Variants in EXOC6B observed in about 807,000 individuals in gnomAD.
The protein encoded by EXOC6B is exocyst complex component 6B.
In EXOC6B, 54 loss-of-function variants were observed where a neutral mutation model predicts 113.5. That is an observed-to-expected ratio of 0.48 (90% CI 0.38 to 0.60). The LOEUF (loss-of-function observed/expected upper bound fraction) is 0.60, where lower values mean the gene tolerates loss of function less well. Ranked by LOEUF, EXOC6B falls within the 20% of genes least tolerant of loss-of-function variation. The pLI is 0.00. For missense variants in EXOC6B, 797 were observed against 977.5 expected, an observed-to-expected ratio of 0.82 and a Z score of 2.46; for synonymous variants, 357 against 339.0, an observed-to-expected ratio of 1.05 and a Z score of -0.58.
chr2:72,463,117 G>GCATTTCTGGAAT (rs1481081668), intron 18 of EXOC6B: 1 of 151,820 alleles, frequency 6.6e-6, no homozygotes, highest in Non-Finnish European at 1.5e-5. Flanking sequence ...AACCATCCTT[G>GCATTTCTGGAAT]CATTTCTGGA....
chr2:72,302,396 T>G (rs1686585773), intron 20 of EXOC6B, among the ~76,000 whole-genome samples: 1 of 152,230 alleles, frequency 6.6e-6, no homozygotes, highest in Non-Finnish European at 1.5e-5. Flanking sequence ...AATGTCTTTG[T>G]TAATTTTCTG....
At chr2:72,439,773 T>C (rs1408350110) in intron 18 of EXOC6B, among the ~76,000 whole-genome samples, 1 of 152,236 alleles carries the variant, frequency 6.6e-6, no homozygotes, top group Admixed American at 6.5e-5. Flanking sequence ...GGAGAGGTGA[T>C]ACAGTCATTT....
chr2:72,697,767 T>C (rs1677996501), intron 6 of EXOC6B, among the ~76,000 whole-genome samples: 1 of 152,180 alleles, frequency 6.6e-6, no homozygotes, highest in Non-Finnish European at 1.5e-5. Flanking sequence ...CTTTTACTAA[T>C]AGAATGCGTC....
At position 72,717,954 on chromosome 2, in the gene EXOC6B, AATCAT is replaced by A. The variant is rs1679733364; in HGVS notation, c.669+144_669+148del. The A allele has an allele frequency of 5.3e-6, 3 of 565,248 alleles. No homozygotes were observed. The African/African-American group carries it at 5.6e-5, about 11-fold the overall frequency. The allele number at this position is 565,248 out of a possible 1,614,324, so 35.0% of individuals were successfully genotyped here. On this transcript the variant is annotated intron_variant, in intron 6 of 21. Coordinates refer to ENST00000272427, the MANE Select transcript of EXOC6B (RefSeq NM_015189.3). ...CTGTTAAAAAAATGAAAACATTTTT[AATCAT>A]ATGTTTCCATAAATATGAAGGACTT...
At chr2:72,503,951 A>C (rs918835677) in intron 11 of EXOC6B, among the ~76,000 whole-genome samples, 2 of 152,042 alleles carry the variant, frequency 1.3e-5, no homozygotes, top group Non-Finnish European at 2.9e-5. Context: ...TCTGTCTCCC[A>C]GGCTGGACTG....
At chr2:72,624,575 C>G (rs893192970) in intron 6 of EXOC6B, among the ~76,000 whole-genome samples, 2 of 152,092 alleles carry the variant, frequency 1.3e-5, no homozygotes, top group African/African-American at 4.8e-5. Context: ...AAGATCACCA[C>G]TACAAAAGAA....
intron 8 of EXOC6B, among the ~76,000 whole-genome samples, chr2:72,540,518 C>A (rs2105787935): frequency 6.6e-6 from 1 of 152,270 alleles, no homozygotes; most frequent in African/African-American, 2.4e-5. Context: ...CTAAACACTG[C>A]ATTGTGCATT....
chr2:72,226,427 C>A (rs1235364559), intron 20 of EXOC6B, among the ~76,000 whole-genome samples: 2 of 151,958 alleles, frequency 1.3e-5, no homozygotes, highest in East Asian at 3.9e-4. Context: ...AATTATTCCC[C>A]CAAAAGTTTA....
At chr2:72,399,412 C>A (rs1386034815) in intron 18 of EXOC6B, among the ~76,000 whole-genome samples, 1 of 152,010 alleles carries the variant, frequency 6.6e-6, no homozygotes, top group Non-Finnish European at 1.5e-5. Context: ...ACTAGAGTAA[C>A]CAGGCAAGAG....
At chr2:72,297,998 C>G (rs1000958027) in intron 20 of EXOC6B, among the ~76,000 whole-genome samples, 7 of 151,416 alleles carry the variant, frequency 4.6e-5, no homozygotes. Context: ...TAGATGTCTA[C>G]TAGGTCTGCT....
At chr2:72,339,059 T>G (rs1374887112) in intron 19 of EXOC6B, among the ~76,000 whole-genome samples, 1 of 152,042 alleles carries the variant, frequency 6.6e-6, no homozygotes, top group Non-Finnish European at 1.5e-5. Flanking sequence ...TTTAGCATTA[T>G]TGGCAACTAG....
At chr2:72,787,267 G>A (rs1281492389) in intron 1 of EXOC6B, among the ~76,000 whole-genome samples, 53 of 151,468 alleles carry the variant, frequency 3.5e-4, no homozygotes, top group Admixed American at 3.2e-3. Flanking sequence ...GCTGGAGTGT[G>A]GTGGCGCAAT....
At chr2:72,308,416 A>G (rs1687011959) in intron 20 of EXOC6B, among the ~76,000 whole-genome samples, 1 of 152,266 alleles carries the variant, frequency 6.6e-6, no homozygotes, top group Non-Finnish European at 1.5e-5. Flanking sequence ...AAGGACAGTG[A>G]TGAAATAAAT....
intron 20 of EXOC6B, among the ~76,000 whole-genome samples, chr2:72,299,863 G>A (rs746004023): frequency 6.6e-6 from 1 of 152,204 alleles, no homozygotes; most frequent in Admixed American, 6.5e-5. Context: ...GGTATCACCA[G>A]TGGAGGCTGC....
intron 1 of EXOC6B, among the ~76,000 whole-genome samples, chr2:72,756,995 C>T (rs1272629436): frequency 2.0e-5 from 3 of 152,100 alleles, no homozygotes; most frequent in African/African-American, 7.2e-5. Context: ...AGAAAACCAG[C>T]AAACTAATAC....
At chr2:72,618,440 G>A (rs1671538312) in intron 6 of EXOC6B, among the ~76,000 whole-genome samples, 1 of 152,056 alleles carries the variant, frequency 6.6e-6, no homozygotes, top group African/African-American at 2.4e-5. Context: ...AACCACAAAG[G>A]ACAATGACAT....
chr2:72,302,089 T>C (rs1294925939), intron 20 of EXOC6B, among the ~76,000 whole-genome samples: 1 of 152,226 alleles, frequency 6.6e-6, no homozygotes, highest in Non-Finnish European at 1.5e-5. Context: ...CTTAATTTCA[T>C]TATTTACCCA....
rs879652258 is a variant in EXOC6B, at chr2:72,676,126, T to TAAA, written c.669+41974_669+41976dup. Among the ~76,000 whole-genome samples the TAAA allele has an allele frequency of 3.6e-5, 5 of 138,592 alleles. No individual in the cohort carries two copies. In the South Asian group the frequency reaches 6.9e-4, roughly 19 times the overall value. The allele number at this position is 138,592 out of a possible 152,430, so 90.9% of individuals were successfully genotyped here. On this transcript the variant is annotated intron_variant, in intron 6 of 21. Coordinates refer to ENST00000272427, the MANE Select transcript of EXOC6B (RefSeq NM_015189.3). ...AATATGTGTACAATTCATTCTAGTTTAAAAAAAAAAAAAAAGAAGAAGAAG... is the reference window on the plus strand; with the variant it reads ...AATATGTGTACAATTCATTCTAGTTTAAAAAAAAAAAAAAAAAAGAAGAAGAAG...
At chr2:72,538,033 T>G (rs1558774112) in intron 8 of EXOC6B, among the ~76,000 whole-genome samples, 1 of 151,802 alleles carries the variant, frequency 6.6e-6, no homozygotes, top group Non-Finnish European at 1.5e-5. Context: ...AGCTCACCAT[T>G]AGTTACCTCA....
Sources: allele counts gnomAD v4.1 joint callset (sites outside exome capture counted in the v4.1 genomes callset), GRCh38; gene constraint gnomAD v4.1.1; transcripts MANE v1.5; gene names NCBI Gene and HGNC (gene_info 2026-07-23, HGNC 2026-07-21).